Variants in MYO1E observed in about 807,000 individuals in gnomAD.
MYO1E encodes myosin IE, also known as unconventional myosin-Ie.
Under a neutral mutation model 151.1 loss-of-function variants are expected in MYO1E, and 68 were observed. The ratio of observed to expected loss-of-function variants is 0.45; its 90% confidence interval spans 0.37 to 0.55. MYO1E has a LOEUF of 0.55. MYO1E is among the 20% of genes least tolerant of loss of function. The pLI is 0.00. For missense variants in MYO1E, 1,363 were observed against 1,389.3 expected (o/e 0.98, Z 0.30); for synonymous variants, 601 against 501.7 (o/e 1.20, Z -2.64).
At chr15:59,354,320 G>T (rs1471036372) in intron 1 of MYO1E, among the ~76,000 whole-genome samples, 3 of 152,172 alleles carry the variant, frequency 2.0e-5, no homozygotes, top group Admixed American at 6.5e-5. Flanking sequence ...AACAAAGGCA[G>T]CAAATCCTCG....
Position 59,163,269 on chromosome 15 carries a change from G to C in MYO1E, c.2515C>G (p.Gln839Glu), listed in dbSNP as rs2079547927. 6.2e-7 allele frequency: 1 copy of C among 1,613,602 alleles called. No individual in the cohort carries two copies. The highest frequency in any genetic ancestry group is 8.5e-7 in the Non-Finnish European group (1 of 1,179,676). ...GATTCAAGCAAACTGTCATACTCTT[G>C]CTCATGGAGAATAAAAATGTCATCC... ...MQDDIFILHE[Q>E]EYDSLLESVF... is the part of the protein sequence containing the mutation. The change falls in exon 23 of 28, where the codon CAA becomes GAA. Residue 839 changes from glutamine to glutamate, a missense_variant. Transcript: ENST00000288235.
chr15:59,164,287 A>T (rs1229030202), intron 22 of MYO1E, among the ~76,000 whole-genome samples: 1 of 152,256 alleles, frequency 6.6e-6, no homozygotes, highest in Non-Finnish European at 1.5e-5. Context: ...ATCTCCAAGT[A>T]CCACTGCCAA....
rs936909177 is a variant in MYO1E, at chr15:59,135,176, G to A, written c.*2204C>T. The A allele has an allele frequency of 6.6e-6, 1 of 152,218 alleles. No individual in the cohort carries two copies. 9.4% of individuals were successfully genotyped at this position (152,218 alleles called of 1,614,324 possible). A position where few individuals can be genotyped will look rare whatever the true frequency, so the allele number is the denominator to read the frequency against. The stretch of plus-strand genomic sequence containing the variant: ...TGGCACTGGCTGGGCACACGATGCA[G>A]GTGCTAAGGGCTTGGTCTGTGATTT... On this transcript the variant is annotated 3_prime_UTR_variant, in exon 28 of 28. Coordinates refer to ENST00000288235, the MANE Select transcript of MYO1E (RefSeq NM_004998.4).
intron 1 of MYO1E, among the ~76,000 whole-genome samples, chr15:59,311,102 T>C (rs1372634831): frequency 6.6e-6 from 1 of 151,940 alleles, no homozygotes. Context: ...ACAGGCATGG[T>C]CAAGGCAACC....
intron 1 of MYO1E, among the ~76,000 whole-genome samples, chr15:59,359,056 T>G (rs1267891604): frequency 6.6e-6 from 1 of 152,074 alleles, no homozygotes; most frequent in African/African-American, 2.4e-5. Context: ...ACACAAACAA[T>G]TTCATAGACT....
Position 59,188,013 on chromosome 15 carries a change from G to A in MYO1E, c.1904+105C>T, listed in dbSNP as rs1017302094. On this transcript the variant is annotated intron_variant, in intron 18 of 27. Coordinates refer to ENST00000288235, the MANE Select transcript of MYO1E (RefSeq NM_004998.4). ...GATAGTTGCACAACTCTGTGAATACGTTAAAAGCCATTGACTCGTACGCTT... is the reference window on the plus strand; with the variant it reads ...GATAGTTGCACAACTCTGTGAATACATTAAAAGCCATTGACTCGTACGCTT... The A allele has an allele frequency of 6.7e-5, 58 of 872,082 alleles. 1 individual carries two copies. The highest frequency in any genetic ancestry group is 2.4e-4 in the Admixed American group (14 of 57,494). 54.0% of individuals were successfully genotyped at this position (872,082 alleles called of 1,614,324 possible). A position where few individuals can be genotyped will look rare whatever the true frequency, so the allele number is the denominator to read the frequency against.
intron 3 of MYO1E, among the ~76,000 whole-genome samples, chr15:59,257,325 G>A (rs1436363103): frequency 3.9e-5 from 6 of 152,170 alleles, no homozygotes; most frequent in African/African-American, 1.4e-4. Flanking sequence ...TTAATTAGCT[G>A]GGTGTGGTAG....
At chr15:59,173,204 A>G (rs12440243) in intron 21 of MYO1E, among the ~76,000 whole-genome samples, 46,586 of 152,100 alleles carry the variant, frequency 0.31, 7,839 homozygotes, top group East Asian at 0.57. Context: ...CTTTGATTCA[A>G]CGATTTCACT....
Position 59,162,202 on chromosome 15 carries a change from A to AT in MYO1E, c.2627+954dup, listed in dbSNP as rs112782803. On this transcript the variant is annotated intron_variant, in intron 23 of 27. Coordinates refer to ENST00000288235, the MANE Select transcript of MYO1E (RefSeq NM_004998.4). ...AGGCATGCACCACCATACTCGGCTA[A>AT]TTTTTTTTTTATTTTTTACTTTTTG... Among the ~76,000 whole-genome samples, 241 of 150,412 alleles carry AT rather than the reference A, an allele frequency of 1.6e-3. 2 individuals carry two copies. The highest frequency in any genetic ancestry group is 4.4e-3 in the African/African-American group (179 of 40,994).
chr15:59,217,331 T>C (rs1348304162), intron 10 of MYO1E, among the ~76,000 whole-genome samples: 1 of 152,004 alleles, frequency 6.6e-6, no homozygotes, highest in Non-Finnish European at 1.5e-5. Context: ...TGGTCTCTAG[T>C]CCTAGCTTTA....
At chr15:59,322,764 G>GT (rs1173574917) in intron 1 of MYO1E, among the ~76,000 whole-genome samples, 20 of 151,778 alleles carry the variant, frequency 1.3e-4, no homozygotes, top group African/African-American at 1.9e-4. Flanking sequence ...GAGTTTGTTT[G>GT]TTTTTTTTCC....
At chr15:59,242,994 T>C (rs76417132) in intron 4 of MYO1E, among the ~76,000 whole-genome samples, 2,521 of 151,894 alleles carry the variant, frequency 0.017, 71 homozygotes, top group African/African-American at 0.057. Context: ...GGAAGATGCA[T>C]GTGGCTTCAT....
At position 59,244,509 on chromosome 15, in the gene MYO1E, C is replaced by A. The variant is rs28553444; in HGVS notation, c.333-7837G>T. Among the ~76,000 whole-genome samples, 446 of 152,240 alleles carry A rather than the reference C, an allele frequency of 2.9e-3. 3 individuals carry two copies. The highest frequency in any genetic ancestry group is 0.01 in the African/African-American group (422 of 41,516). ...GCTTGCAGGGGTCACACGCCTTAGA[C>A]AGAGAGAATAGAGTCTACCCTATGA... On this transcript the variant is annotated intron_variant, in intron 4 of 27. Coordinates refer to ENST00000288235, the MANE Select transcript of MYO1E (RefSeq NM_004998.4).
In MYO1E at chr15:59,137,463, GGAGA is replaced by G. The variant is rs760771682; in HGVS notation, c.3251-11_3251-8del. On this transcript the variant is annotated splice_polypyrimidine_tract_variant and splice_region_variant and intron_variant, in intron 27 of 27. Coordinates refer to ENST00000288235, the MANE Select transcript of MYO1E (RefSeq NM_004998.4). ...GTCCACCAGCCAGAAGGATCTGCAG[GGAGA>G]GAGAGGTGGTGGAAGTGAAGATGAG... 1.7e-5 allele frequency: 28 copies of G among 1,613,600 alleles called. No individual in the cohort carries two copies. The South Asian group carries it at 3.0e-4, about 17-fold the overall frequency.
intron 22 of MYO1E, among the ~76,000 whole-genome samples, chr15:59,171,616 C>T (rs1302480599): frequency 1.3e-5 from 2 of 152,118 alleles, no homozygotes; most frequent in African/African-American, 4.8e-5. Flanking sequence ...TTCCATATAC[C>T]GGGTTCATTT....
At chr15:59,194,287 A>G (rs1382649297) in intron 17 of MYO1E, among the ~76,000 whole-genome samples, 2 of 152,244 alleles carry the variant, frequency 1.3e-5, no homozygotes, top group East Asian at 3.8e-4. Flanking sequence ...TCTTCAGAGG[A>G]GAGAACAGAC....
At chr15:59,166,271 C>T (rs574672332) in intron 22 of MYO1E, among the ~76,000 whole-genome samples, 14 of 152,182 alleles carry the variant, frequency 9.2e-5, no homozygotes, top group African/African-American at 2.9e-4. Context: ...ACAAAGCTTT[C>T]GTGTTTATTT....
Position 59,132,777 on chromosome 15 carries a change from A to T in MYO1E, c.*4603T>A, listed in dbSNP as rs1419631497. On this transcript the variant is annotated 3_prime_UTR_variant, in exon 28 of 28. Transcript: ENST00000288235. ...TCTCCCTCATAGGGTGGTGCTAAGT[A>T]AAGTATGCCAAGCACTTAGTATAGC... 6.6e-6 allele frequency: 1 copy of T among 152,232 alleles called. No homozygotes were observed. Among genetic ancestry groups the T allele is most frequent in the East Asian group, 1.9e-4 (1 of 5,204 alleles). The allele number at this position is 152,232 out of a possible 1,614,324, so 9.4% of individuals were successfully genotyped here. A position where few individuals can be genotyped will look rare whatever the true frequency, so the allele number is the denominator to read the frequency against.
chr15:59,198,744 G>C (rs2079783356), intron 16 of MYO1E, among the ~76,000 whole-genome samples: 2 of 151,922 alleles, frequency 1.3e-5, no homozygotes, highest in East Asian at 1.9e-4. Context: ...GCTTGAATCT[G>C]GGAGGCAGAG....
Sources: gnomAD v4.1 joint callset for allele counts (sites outside exome capture counted in the v4.1 genomes callset) on GRCh38, gnomAD v4.1.1 for gene constraint, MANE v1.5 for transcripts, NCBI Gene and HGNC (gene_info 2026-07-23, HGNC 2026-07-21) for gene names.